The following MGAT4C variants were observed in gnomAD, a reference collection of about 807,000 sequenced individuals.
The protein encoded by MGAT4C is alpha-1,3-mannosyl-glycoprotein 4-beta-N-acetylglucosaminyltransferase C.
MGAT4C carries 19 observed loss-of-function variants against 40.1 expected under a neutral mutation model. The ratio of observed to expected loss-of-function variants is 0.47; its 90% confidence interval spans 0.33 to 0.70. The LOEUF (loss-of-function observed/expected upper bound fraction) is 0.70. Ranked by LOEUF, MGAT4C falls within the 30% of genes least tolerant of loss-of-function variation. MGAT4C has a pLI of 0.02. For synonymous variants in MGAT4C, 181 were observed against 187.1 expected (o/e 0.97, Z 0.27); for missense variants, 491 against 563.2 (o/e 0.87, Z 1.30).
At chr12:86,327,987 C>T (rs1313109717) in intron 4 of MGAT4C, among the ~76,000 whole-genome samples, 1 of 152,122 alleles carries the variant, frequency 6.6e-6, no homozygotes, top group Non-Finnish European at 1.5e-5. Context: ...TTGTTCTAGA[C>T]CTCCAACCTC....
chr12:86,825,561 T>C (rs1477977510), intron 1 of MGAT4C, among the ~76,000 whole-genome samples: 1 of 151,408 alleles, frequency 6.6e-6, no homozygotes, highest in Non-Finnish European at 1.5e-5. Flanking sequence ...GTAATGGCTA[T>C]ATATCACATA....
intron 1 of MGAT4C, among the ~76,000 whole-genome samples, chr12:86,087,416 C>T (rs1365260104): frequency 1.3e-5 from 2 of 151,958 alleles, no homozygotes; most frequent in African/African-American, 2.4e-5. Context: ...TAGTATTTAA[C>T]TTATTTTACA....
chr12:86,251,801 T>C (rs1287202075), intron 1 of MGAT4C, among the ~76,000 whole-genome samples: 1 of 152,130 alleles, frequency 6.6e-6, no homozygotes, highest in South Asian at 2.1e-4. Context: ...CACTTACTTG[T>C]GAAAATTTAC....
chr12:86,643,584 A>C (rs1220958699), intron 2 of MGAT4C, among the ~76,000 whole-genome samples: 1 of 151,888 alleles, frequency 6.6e-6, no homozygotes, highest in Non-Finnish European at 1.5e-5. Flanking sequence ...GAAACAAGCT[A>C]CACACAAAAG....
At chr12:86,464,641 T>C (rs760210897) in intron 2 of MGAT4C, among the ~76,000 whole-genome samples, 4 of 152,248 alleles carry the variant, frequency 2.6e-5, no homozygotes, top group Admixed American at 6.5e-5. Context: ...GCAATAACTG[T>C]ATGTAGGCAA....
At chr12:86,744,638 C>CCATTATT (rs1455534796) in intron 1 of MGAT4C, among the ~76,000 whole-genome samples, 1 of 151,394 alleles carries the variant, frequency 6.6e-6, no homozygotes, top group African/African-American at 2.4e-5. Context: ...TTTAGATTCT[C>CCATTATT]CATTATTCAT....
intron 2 of MGAT4C, among the ~76,000 whole-genome samples, chr12:86,690,309 TC>T (rs1241665589): frequency 3.3e-5 from 5 of 152,120 alleles, no homozygotes; most frequent in Non-Finnish European, 7.4e-5. Context: ...CAGTCCTCTC[TC>T]CAGGGCAGTG....
chr12:86,761,360 G>A (rs1372833770), intron 1 of MGAT4C, among the ~76,000 whole-genome samples: 1 of 152,092 alleles, frequency 6.6e-6, no homozygotes, highest in African/African-American at 2.4e-5. Flanking sequence ...TGGGTTAAGT[G>A]TAATTATTTA....
chr12:86,784,205 C>T (rs2136186703), intron 1 of MGAT4C, among the ~76,000 whole-genome samples: 1 of 152,122 alleles, frequency 6.6e-6, no homozygotes, highest in East Asian at 1.9e-4. Flanking sequence ...TATTCTTCCA[C>T]CCAAAGACTG....
At chr12:86,307,208 TATA>T (rs1953954282) in intron 4 of MGAT4C, among the ~76,000 whole-genome samples, 1 of 79,756 alleles carries the variant, frequency 1.3e-5, no homozygotes, top group African/African-American at 3.8e-5. Context: ...CTGTATTTAT[TATA>T]ATAACTGTAT....
intron 2 of MGAT4C, among the ~76,000 whole-genome samples, chr12:86,586,954 T>A (rs572506109): frequency 6.6e-6 from 1 of 152,164 alleles, no homozygotes; most frequent in Non-Finnish European, 1.5e-5. Context: ...CTCTTTAGTT[T>A]AATTAGATCT....
At chr12:86,380,644 T>C (rs1565718934) in intron 3 of MGAT4C, among the ~76,000 whole-genome samples, 1 of 152,142 alleles carries the variant, frequency 6.6e-6, no homozygotes, top group Non-Finnish European at 1.5e-5. Flanking sequence ...TACTAAGCCC[T>C]TTGTGTGTAT....
At position 85,957,533 on chromosome 12, in the gene MGAT4C, G is replaced by T. The variant is rs950180793; in HGVS notation, c.*21756C>A. 27 of 151,954 alleles carry T rather than the reference G, an allele frequency of 1.8e-4. No individual in the cohort carries two copies. Among genetic ancestry groups the T allele is most frequent in the African/African-American group, 6.3e-4 (26 of 41,374 alleles). The allele number at this position is 151,954 out of a possible 1,614,324, so 9.4% of individuals were successfully genotyped here. A position where few individuals can be genotyped will look rare whatever the true frequency, so the allele number is the denominator to read the frequency against. ...TTAAGCATGCTACATATATCTGTTA[G>T]CTGTGAAGGAAGACAAAAATTGACC... On this transcript the variant is annotated 3_prime_UTR_variant, in exon 5 of 5. Transcript: ENST00000611864.
rs1015324831 is a variant in MGAT4C, at chr12:86,083,096, G to A, written c.-56-33373C>T. On this transcript the variant is annotated intron_variant, in intron 1 of 4. Transcript: ENST00000611864. ...GGTGTCATTACCTACCTGTCATCTA[G>A]TCAGAAGCTTCATTTAGTCATAAGC... is the stretch of plus-strand genomic sequence containing the variant. Among the ~76,000 whole-genome samples, 9 of 151,938 alleles carry A rather than the reference G, an allele frequency of 5.9e-5. No individual in the cohort carries two copies. In the South Asian group the frequency reaches 6.2e-4, roughly 11 times the overall value.
intron 2 of MGAT4C, among the ~76,000 whole-genome samples, chr12:86,683,480 C>T (rs1349162658): frequency 6.6e-6 from 1 of 152,024 alleles, no homozygotes; most frequent in Non-Finnish European, 1.5e-5. Context: ...TCCCATCTTA[C>T]CTAAAATATT....
rs968228462 is a variant in MGAT4C, at chr12:85,975,619, C to T, written c.*3670G>A. On this transcript the variant is annotated 3_prime_UTR_variant, in exon 5 of 5. Coordinates refer to ENST00000611864, the MANE Select transcript of MGAT4C (RefSeq NM_001351288.2). Reference sequence around the variant, plus strand: ...GGCATGCATATAAAATTTGTTGAAACACAAAGCTGAGGAGGCATAATAAGA... The same window carrying T: ...GGCATGCATATAAAATTTGTTGAAATACAAAGCTGAGGAGGCATAATAAGA... 2 of 150,750 alleles carry T rather than the reference C, an allele frequency of 1.3e-5. No homozygotes were observed. The highest frequency in any genetic ancestry group is 1.5e-5 in the Non-Finnish European group (1 of 67,050). 9.3% of individuals were successfully genotyped at this position (150,750 alleles called of 1,614,324 possible).
At chr12:86,459,131 A>G (rs1343086340) in intron 2 of MGAT4C, among the ~76,000 whole-genome samples, 1 of 152,152 alleles carries the variant, frequency 6.6e-6, no homozygotes, top group African/African-American at 2.4e-5. Context: ...TACAAAATAT[A>G]AGTTTTCAAA....
chr12:86,821,459 T>C (rs1352704508), intron 1 of MGAT4C, among the ~76,000 whole-genome samples: 1 of 150,974 alleles, frequency 6.6e-6, no homozygotes, highest in East Asian at 1.9e-4. Context: ...CTCAGGGTAA[T>C]TGGATATCCA....
At chr12:86,502,375 C>A (rs1006857850) in intron 2 of MGAT4C, among the ~76,000 whole-genome samples, 1 of 151,740 alleles carries the variant, frequency 6.6e-6, no homozygotes, top group Admixed American at 6.6e-5. Context: ...AGGTAGAACC[C>A]AGGGGATCTT....
Sources: allele counts gnomAD v4.1 joint callset (sites outside exome capture counted in the v4.1 genomes callset), GRCh38; gene constraint gnomAD v4.1.1; transcripts MANE v1.5; gene names NCBI Gene and HGNC (gene_info 2026-07-23, HGNC 2026-07-21).